The following XPC variants were observed in gnomAD, a reference collection of about 807,000 sequenced individuals.
XPC encodes XPC complex subunit, DNA damage recognition and repair factor.
A neutral mutation model predicts 95.8 loss-of-function variants in XPC; 76 were observed. That is an observed-to-expected ratio of 0.79 (90% CI 0.66 to 0.96). The LOEUF (loss-of-function observed/expected upper bound fraction) is 0.96. Ranked by LOEUF, XPC falls within the 40% of genes least tolerant of loss-of-function variation. The pLI is 0.00. For missense variants in XPC, 1,146 were observed against 1,179.8 expected, an observed-to-expected ratio of 0.97 and a Z score of 0.42; for synonymous variants, 442 against 442.1, an observed-to-expected ratio of 1.00 and a Z score of 0.00.
At chr3:14,161,343 C>T (rs1696158724) in intron 7 of XPC, among the ~76,000 whole-genome samples, 1 of 152,146 alleles carries the variant, frequency 6.6e-6, no homozygotes, top group African/African-American at 2.4e-5. Flanking sequence ...ATGAGGCAAG[C>T]ATTACCCTGA....
chr3:14,154,956 C>T (rs1174774097), intron 10 of XPC, among the ~76,000 whole-genome samples: 1 of 152,166 alleles, frequency 6.6e-6, no homozygotes, highest in Non-Finnish European at 1.5e-5. Context: ...CATGGTGCCT[C>T]TGGACGACGC....
intron 13 of XPC, 118 bp downstream of exon 13, chr3:14,148,444 A>C: frequency 7.2e-7 from 1 of 1,391,848 alleles, no homozygotes; most frequent in Non-Finnish European, 9.7e-7. Flanking sequence ...TAACATCCTG[A>C]AAATTGGAGC....
intron 7 of XPC, among the ~76,000 whole-genome samples, chr3:14,163,074 CCAT>C (rs1172806553): frequency 6.6e-6 from 1 of 152,138 alleles, no homozygotes; most frequent in Non-Finnish European, 1.5e-5. Context: ...CACTTGACAC[CCAT>C]CATAATGACT....
rs2125010187 is a variant in XPC at position 14,148,850 on chromosome 3, T to C, written c.2214A>G (p.Thr738=). 1.2e-6 allele frequency: 2 copies of C among 1,614,048 alleles called. No homozygotes were observed. The highest frequency in any genetic ancestry group is 3.3e-5 in the Admixed American group (2 of 60,024). ...CGGCCACTGGGGGCTGATACTCCTC[T>C]GTCTGCCAGTAGCCAAACAGGCCCA... ...NDLGLFGYWQ[T]EEYQPPVAVD... The change falls in exon 12 of 16, where the codon ACA becomes ACG. Residue 738 remains threonine (T), a synonymous_variant. Coordinates refer to ENST00000285021, the MANE Select transcript of XPC (RefSeq NM_004628.5).
At chr3:14,149,855 A>T (rs954481711) in intron 11 of XPC, 1 of 152,232 alleles carries the variant, frequency 6.6e-6, no homozygotes, top group Non-Finnish European at 1.5e-5. Context: ...AACACCACAG[A>T]CGGGGTAAAT....
At chr3:14,164,699 A>C (rs1696301214) in intron 7 of XPC, 114 bp downstream of exon 7, 1 of 1,076,408 alleles carries the variant, frequency 9.3e-7, no homozygotes, top group African/African-American at 1.6e-5. Context: ...CGTCATTATG[A>C]GGACTGAATA....
In XPC at chr3:14,152,423, A is replaced by G. The variant is rs1264404485; in HGVS notation, c.2034-7T>C. The G allele has an allele frequency of 6.2e-7, 1 of 1,608,620 alleles. No individual in the cohort carries two copies. The highest frequency in any genetic ancestry group is 8.5e-7 in the Non-Finnish European group (1 of 1,177,448). On this transcript the variant is annotated splice_polypyrimidine_tract_variant and splice_region_variant and intron_variant, in intron 10 of 15. Transcript: ENST00000285021. ...CAGAGTGTGCACACAATCCCTGTGG[A>G]ACCAACACAGGACACAAAGGTAACT...
chr3:14,146,352 C>A (rs1695436624), intron 15 of XPC, among the ~76,000 whole-genome samples, 193 bp from the exon 16 acceptor site: 1 of 152,064 alleles, frequency 6.6e-6, no homozygotes. Flanking sequence ...TGCATCCAAG[C>A]AGACACTGGA....
chr3:14,165,350 A>C, intron 6 of XPC, 78 bp downstream of exon 6: 1 of 1,481,730 alleles, frequency 6.7e-7, no homozygotes, highest in Non-Finnish European at 9.0e-7. Flanking sequence ...AGGTCTGTGG[A>C]AGTGACCTGA....
intron 7 of XPC, among the ~76,000 whole-genome samples, chr3:14,160,565 T>G (rs1696129527): frequency 6.6e-6 from 1 of 152,234 alleles, no homozygotes; most frequent in Admixed American, 6.5e-5. Context: ...TGCTTTTGCC[T>G]TGTTTCTTCT....
At chr3:14,150,599 A>G (rs1331937445) in intron 11 of XPC, among the ~76,000 whole-genome samples, 1 of 152,180 alleles carries the variant, frequency 6.6e-6, no homozygotes, top group East Asian at 1.9e-4. Flanking sequence ...GTCATGAAGG[A>G]GGGATGGAGC....
At chr3:14,178,356 G>A (rs1302009793) in intron 1 of XPC, 110 bp downstream of exon 1, 2 of 1,267,204 alleles carry the variant, frequency 1.6e-6, no homozygotes, top group East Asian at 2.9e-5. Flanking sequence ...GGCGCGGAAC[G>A]CGCGCAGCAA....
chr3:14,155,087 A>G (rs1209274792), intron 10 of XPC, among the ~76,000 whole-genome samples: 1 of 152,108 alleles, frequency 6.6e-6, no homozygotes, highest in Non-Finnish European at 1.5e-5. Flanking sequence ...AAGTCCCAGA[A>G]CAGCAAAGCC....
At chr3:14,148,063 C>T (rs1194363932) in intron 13 of XPC, 62 bp from the exon 14 acceptor site, 2 of 1,433,100 alleles carry the variant, frequency 1.4e-6, no homozygotes, top group African/African-American at 2.8e-5. Flanking sequence ...TCTCCTCCCT[C>T]CCCAGTTTGT....
At chr3:14,173,861 T>C (rs938940963) in intron 1 of XPC, among the ~76,000 whole-genome samples, 2 of 152,186 alleles carry the variant, frequency 1.3e-5, no homozygotes, top group African/African-American at 2.4e-5. Context: ...AAATCTTTTG[T>C]CTTTGCATGA....
intron 10 of XPC, 130 bp from the exon 11 acceptor site, chr3:14,152,546 TA>T: frequency 2.5e-6 from 2 of 800,670 alleles, no homozygotes; most frequent in East Asian, 3.0e-5. Context: ...GCCGAGCTCC[TA>T]GGGGGCCCAG....
chr3:14,147,603 C>T, intron 14 of XPC: 1 of 610,042 alleles, frequency 1.6e-6, no homozygotes, highest in South Asian at 2.1e-5. Flanking sequence ...TTACTGACTC[C>T]AAAATCTTTA....
chr3:14,163,922 AC>A (rs1385979959), intron 7 of XPC, among the ~76,000 whole-genome samples: 1 of 152,158 alleles, frequency 6.6e-6, no homozygotes, highest in Non-Finnish European at 1.5e-5. Flanking sequence ...GGTGGTGGGC[AC>A]CTGTAATCCC....
At chr3:14,172,185 G>A (rs893614203) in intron 2 of XPC, among the ~76,000 whole-genome samples, 1 of 152,092 alleles carries the variant, frequency 6.6e-6, no homozygotes, top group African/African-American at 2.4e-5. Flanking sequence ...CAAATAAAAG[G>A]GCCTGCAATG....
Sources: gnomAD v4.1 joint callset for allele counts (sites outside exome capture counted in the v4.1 genomes callset) on GRCh38, gnomAD v4.1.1 for gene constraint, MANE v1.5 for transcripts, NCBI Gene and HGNC (gene_info 2026-07-23, HGNC 2026-07-21) for gene names.